Variants in DOCK3 observed in about 807,000 individuals in gnomAD.
The protein encoded by DOCK3 is dedicator of cytokinesis 3, also known as dedicator of cytokinesis protein 3.
DOCK3 carries 60 observed loss-of-function variants against 265.6 expected under a neutral mutation model. That is an observed-to-expected ratio of 0.23 (90% CI 0.18 to 0.28). The LOEUF is 0.28. Ranked by LOEUF, DOCK3 falls within the 10% of genes least tolerant of loss-of-function variation. The pLI is 1.00. For synonymous variants in DOCK3, 881 were observed against 938.0 expected, an observed-to-expected ratio of 0.94 and a Z score of 1.11; for missense variants, 1,981 against 2,594.3, an observed-to-expected ratio of 0.76 and a Z score of 5.14.
chr3:50,691,697 AG>A (rs1273372741), intron 1 of DOCK3, among the ~76,000 whole-genome samples: 1 of 152,150 alleles, frequency 6.6e-6, no homozygotes, highest in Non-Finnish European at 1.5e-5. Context: ...CAAGGATTCT[AG>A]TTCCTCTGCA....
chr3:50,701,850 C>A (rs1358408036), intron 1 of DOCK3, among the ~76,000 whole-genome samples: 2 of 152,054 alleles, frequency 1.3e-5, no homozygotes, highest in African/African-American at 4.8e-5. Context: ...ATTTTTGGCA[C>A]CTTTGTTGAA....
At position 51,179,608 on chromosome 3, in the gene DOCK3, G is replaced by A. The variant is rs111686136; in HGVS notation, c.1037+18906G>A. Among the ~76,000 whole-genome samples the A allele has an allele frequency of 3.2e-3, 486 of 152,244 alleles. 5 individuals are homozygous for A. Among genetic ancestry groups the A allele is most frequent in the Non-Finnish European group, 4.9e-3 (331 of 68,024 alleles). Reference sequence around the variant, plus strand: ...GCATAAATATAAATATCTAATGTGCGTATACATGTAAGTAGTGTGGATAAA... The same window carrying A: ...GCATAAATATAAATATCTAATGTGCATATACATGTAAGTAGTGTGGATAAA... On this transcript the variant is annotated intron_variant, in intron 12 of 52. Transcript: ENST00000266037.
At chr3:51,010,409 A>C (rs2078897446) in intron 5 of DOCK3, among the ~76,000 whole-genome samples, 2 of 152,008 alleles carry the variant, frequency 1.3e-5, no homozygotes, top group South Asian at 4.2e-4. Flanking sequence ...TGTTGGTTTA[A>C]AGTCTGTTTT....
chr3:51,013,991 C>G (rs2079052366), intron 5 of DOCK3, among the ~76,000 whole-genome samples: 1 of 152,224 alleles, frequency 6.6e-6, no homozygotes, highest in Non-Finnish European at 1.5e-5. Flanking sequence ...ATATAATCTC[C>G]TGGTGTGCTG....
intron 12 of DOCK3, among the ~76,000 whole-genome samples, chr3:51,173,118 ACTTT>A (rs2086769916): frequency 6.6e-6 from 1 of 151,958 alleles, no homozygotes; most frequent in Admixed American, 6.6e-5. Context: ...GTGAGTTTAT[ACTTT>A]CTTTCTTTTT....
rs1231064408 is a variant in DOCK3 at position 50,767,598 on chromosome 3, G to A, written c.38-11077G>A. On this transcript the variant is annotated intron_variant, in intron 1 of 52. Transcript: ENST00000266037. Reference sequence around the variant, plus strand: ...TGTGGCTTAGGATTGTCTTGGCAATGCGGGCCCGTTTTTGGTTCCATATGA... The same window carrying A: ...TGTGGCTTAGGATTGTCTTGGCAATACGGGCCCGTTTTTGGTTCCATATGA... Among the ~76,000 whole-genome samples, 3 of 152,164 alleles carry A rather than the reference G, an allele frequency of 2.0e-5. No homozygotes were observed. The East Asian group carries it at 5.8e-4, about 29-fold the overall frequency.
chr3:50,736,359 A>G (rs1275272996), intron 1 of DOCK3, among the ~76,000 whole-genome samples: 1 of 152,218 alleles, frequency 6.6e-6, no homozygotes, highest in Non-Finnish European at 1.5e-5. Context: ...CACAATAAAC[A>G]TATGTGTGCA....
chr3:51,227,184 T>G, intron 15 of DOCK3, 99 bp from the exon 16 acceptor site: 7 of 1,417,358 alleles, frequency 4.9e-6, no homozygotes, highest in Non-Finnish European at 6.7e-6. Flanking sequence ...AGAGCAAAAA[T>G]GAGACCTTTA....
intron 9 of DOCK3, among the ~76,000 whole-genome samples, chr3:51,093,655 C>T (rs1187681598): frequency 6.6e-6 from 1 of 151,392 alleles, no homozygotes; most frequent in Non-Finnish European, 1.5e-5. Context: ...CCTCTCTTTC[C>T]TTTATTTCTT....
intron 5 of DOCK3, among the ~76,000 whole-genome samples, chr3:51,039,382 C>T (rs1032776122): frequency 6.6e-6 from 1 of 152,094 alleles, no homozygotes; most frequent in African/African-American, 2.4e-5. Context: ...ATAAATGTTT[C>T]CTCAAGGACC....
intron 14 of DOCK3, among the ~76,000 whole-genome samples, chr3:51,219,565 A>G (rs910356935): frequency 1.2e-4 from 19 of 152,240 alleles, no homozygotes; most frequent in Non-Finnish European, 1.3e-4. Context: ...TAAGGTGTAT[A>G]GATACAGGAA....
intron 1 of DOCK3, among the ~76,000 whole-genome samples, chr3:50,776,912 T>TC (rs1156725982): frequency 6.6e-6 from 1 of 152,172 alleles, no homozygotes; most frequent in Non-Finnish European, 1.5e-5. Context: ...TTATTGGACT[T>TC]ACAGTTCCAT....
chr3:50,946,532 T>A (rs745911989), intron 5 of DOCK3, among the ~76,000 whole-genome samples: 1 of 152,234 alleles, frequency 6.6e-6, no homozygotes, highest in Non-Finnish European at 1.5e-5. Context: ...GGCTATCCAG[T>A]ATCCAGAATC....
At chr3:51,232,586 T>TA (rs1238569144) in intron 19 of DOCK3, among the ~76,000 whole-genome samples, 1 of 152,224 alleles carries the variant, frequency 6.6e-6, no homozygotes. Context: ...AGTAAGGTGG[T>TA]ATCTCATTGT....
chr3:50,773,511 GTTAA>G (rs2041408030), intron 1 of DOCK3, among the ~76,000 whole-genome samples: 1 of 152,118 alleles, frequency 6.6e-6, no homozygotes, highest in Non-Finnish European at 1.5e-5. Context: ...ACATGTTCTT[GTTAA>G]TTAGTGATGT....
intron 3 of DOCK3, among the ~76,000 whole-genome samples, chr3:50,881,725 A>G (rs2048035248): frequency 2.0e-5 from 3 of 152,218 alleles, no homozygotes; most frequent in African/African-American, 7.2e-5. Flanking sequence ...TGTCCCCATC[A>G]TGTGACCAAT....
intron 5 of DOCK3, among the ~76,000 whole-genome samples, chr3:51,029,157 G>A (rs1346565428): frequency 6.6e-6 from 1 of 151,968 alleles, no homozygotes; most frequent in Admixed American, 6.6e-5. Context: ...ATTTCTGCAT[G>A]CTTTCAGAGG....
intron 19 of DOCK3, among the ~76,000 whole-genome samples, chr3:51,234,966 G>A (rs887695845): frequency 6.6e-5 from 10 of 152,200 alleles, no homozygotes; most frequent in African/African-American, 2.4e-4. Context: ...ATGGAATGTA[G>A]GCTAGAGATT....
intron 2 of DOCK3, among the ~76,000 whole-genome samples, chr3:50,834,918 A>G (rs545320316): frequency 6.6e-6 from 1 of 152,346 alleles, no homozygotes; most frequent in East Asian, 1.9e-4. Context: ...TTATTGCATT[A>G]GTGTACTATT....
Sources: allele counts gnomAD v4.1 joint callset (sites outside exome capture counted in the v4.1 genomes callset), GRCh38; gene constraint gnomAD v4.1.1; transcripts MANE v1.5; gene names NCBI Gene and HGNC (gene_info 2026-07-23, HGNC 2026-07-21).